The following KAZN variants were observed in gnomAD, a reference collection of about 807,000 sequenced individuals.
The protein encoded by KAZN is kazrin, periplakin interacting protein.
KAZN carries 40 observed loss-of-function variants against 87.4 expected under a neutral mutation model. The ratio of observed to expected loss-of-function variants is 0.46; its 90% CI spans 0.36 to 0.60. The LOEUF is 0.60. KAZN is among the 20% of genes least tolerant of loss of function. The probability of loss-of-function intolerance (pLI) is 0.00; values close to 1 mark genes in which losing one functional copy is unlikely to be tolerated. For missense variants in KAZN, 898 were observed against 1,073.9 expected, an observed-to-expected ratio of 0.84 and a Z score of 2.29; for synonymous variants, 466 against 458.3, an observed-to-expected ratio of 1.02 and a Z score of -0.22.
intron 1 of KAZN, among the ~76,000 whole-genome samples, chr1:14,890,215 C>A (rs1239878212): frequency 1.3e-5 from 2 of 152,200 alleles, no homozygotes; most frequent in Non-Finnish European, 2.9e-5. Flanking sequence ...CTGGAATGCT[C>A]TGGCTGGTCA....
At chr1:14,124,894 C>G (rs1399701511) in intron 1 of KAZN, among the ~76,000 whole-genome samples, 2 of 152,152 alleles carry the variant, frequency 1.3e-5, no homozygotes, top group Non-Finnish European at 2.9e-5. Flanking sequence ...TCGGGGGCAG[C>G]ACTGGGGAGG....
intron 7 of KAZN, among the ~76,000 whole-genome samples, chr1:15,064,325 G>A (rs1639051230): frequency 6.6e-6 from 1 of 152,100 alleles, no homozygotes. Flanking sequence ...AGATTCCTGG[G>A]CCATTTGCCC....
intron 2 of KAZN, chr1:14,180,716 T>C: frequency 2.9e-6 from 2 of 689,266 alleles, no homozygotes; most frequent in Non-Finnish European, 4.8e-6. Flanking sequence ...ATATAACAGA[T>C]TGGATATGTT....
rs1456407657 is a variant in KAZN, at chr1:14,773,809, C to G, written c.226+174586C>G. On this transcript the variant is annotated intron_variant, in intron 1 of 14. Coordinates refer to ENST00000376030, the MANE Select transcript of KAZN (RefSeq NM_201628.3). This position sits in a 1 kb window ranked among gnomAD's most constrained non-coding sequence, Gnocchi z 5.9. ...TCCTGGGAGCTGCGGCAGGTCCCAG[C>G]CCAGGCCAGGCCTGCTCTCCTCCCC... Among the ~76,000 whole-genome samples, 1 of 152,160 alleles carries G rather than the reference C, an allele frequency of 6.6e-6. No homozygotes were observed. Among genetic ancestry groups the G allele is most frequent in the Non-Finnish European group, 1.5e-5 (1 of 68,032 alleles).
intron 2 of KAZN, among the ~76,000 whole-genome samples, chr1:14,344,044 C>T (rs1657928688): frequency 6.6e-6 from 1 of 152,174 alleles, no homozygotes; most frequent in Admixed American, 6.6e-5. Flanking sequence ...CCAGCTTCAT[C>T]TATCAAAACC....
intron 1 of KAZN, among the ~76,000 whole-genome samples, chr1:14,822,172 C>T (rs939445681): frequency 6.6e-5 from 10 of 152,146 alleles, no homozygotes; most frequent in African/African-American, 1.9e-4. Flanking sequence ...AGCTTTCGTC[C>T]CAGCCAGGTA....
intron 1 of KAZN, among the ~76,000 whole-genome samples, chr1:14,691,158 A>G (rs531354193): frequency 6.2e-4 from 94 of 152,186 alleles, no homozygotes; most frequent in Non-Finnish European, 1.1e-3. Context: ...ATTTTTGACT[A>G]TTGATGGATG....
chr1:14,556,322 G>A (rs1673871233), intron 2 of KAZN, among the ~76,000 whole-genome samples: 1 of 151,676 alleles, frequency 6.6e-6, no homozygotes, highest in African/African-American at 2.4e-5. Context: ...TGTTATCCAG[G>A]ATGGTCTCGA....
chr1:14,743,387 G>A (rs1362189830), intron 1 of KAZN, among the ~76,000 whole-genome samples: 3 of 150,550 alleles, frequency 2.0e-5, no homozygotes, highest in Non-Finnish European at 3.0e-5. Context: ...CTGAGATCGC[G>A]CCACTGCACT....
chr1:14,228,066 G>T (rs1199313429), intron 2 of KAZN, among the ~76,000 whole-genome samples: 1 of 152,122 alleles, frequency 6.6e-6, no homozygotes, highest in African/African-American at 2.4e-5. Flanking sequence ...ATTACTTGGT[G>T]CATTGCTTAT....
chr1:14,520,225 T>C (rs905041712), intron 2 of KAZN, among the ~76,000 whole-genome samples: 4 of 151,950 alleles, frequency 2.6e-5, no homozygotes, highest in South Asian at 2.1e-4. Context: ...CTATGATCCA[T>C]TGGGTGTGGC....
At chr1:14,971,558 C>T (rs1272277548) in intron 2 of KAZN, among the ~76,000 whole-genome samples, 1 of 150,520 alleles carries the variant, frequency 6.6e-6, no homozygotes. Context: ...GTGATCACAG[C>T]AGAAAAGAGG....
chr1:14,399,687 CTT>C (rs1421847316), intron 2 of KAZN, among the ~76,000 whole-genome samples: 1 of 152,108 alleles, frequency 6.6e-6, no homozygotes, highest in Non-Finnish European at 1.5e-5. Context: ...GTGTGACCCT[CTT>C]TTTCACACCT....
chr1:14,332,116 T>C (rs1656900963), intron 2 of KAZN, among the ~76,000 whole-genome samples: 2 of 152,126 alleles, frequency 1.3e-5, no homozygotes, highest in Non-Finnish European at 2.9e-5. Context: ...GTAAAAGCCA[T>C]TGTTAGCCTG....
chr1:14,130,911 T>A (rs1644979366), intron 1 of KAZN, among the ~76,000 whole-genome samples: 1 of 152,072 alleles, frequency 6.6e-6, no homozygotes, highest in Admixed American at 6.6e-5. Flanking sequence ...AATGTGATTG[T>A]TTAATACTAT....
At position 14,211,423 on chromosome 1, in the gene KAZN, A is replaced by T. The variant is rs866815522; in HGVS notation, c.249+30831A>T. 4.6e-5 allele frequency among the ~76,000 whole-genome samples: 7 copies of T among 152,068 alleles called. 1 individual carries two copies. Among genetic ancestry groups the T allele is most frequent in the Admixed American group, 1.3e-4 (2 of 15,270 alleles). ...GTATTTTTAGTAGAGACAGAGTTTCATTGTGTTAGCCAGGATGGTCTCGAT... is the reference window on the plus strand; with the variant it reads ...GTATTTTTAGTAGAGACAGAGTTTCTTTGTGTTAGCCAGGATGGTCTCGAT... On this transcript the variant is annotated intron_variant, in intron 2 of 16. Coordinates refer to the KAZN transcript ENST00000636203.
At chr1:14,317,602 CT>C (rs879472213) in intron 2 of KAZN, among the ~76,000 whole-genome samples, 4 of 151,768 alleles carry the variant, frequency 2.6e-5, no homozygotes, top group South Asian at 4.2e-4. Flanking sequence ...GTTTTTTTCC[CT>C]TTTTTTCTCC....
At chr1:14,008,405 G>C (rs896996240) in intron 1 of KAZN, among the ~76,000 whole-genome samples, 1 of 152,310 alleles carries the variant, frequency 6.6e-6, no homozygotes, top group South Asian at 2.1e-4. Flanking sequence ...AAAATCTGCT[G>C]AAGTCATTAT....
At chr1:14,803,301 A>G (rs1646100231) in intron 1 of KAZN, among the ~76,000 whole-genome samples, 1 of 152,146 alleles carries the variant, frequency 6.6e-6, no homozygotes, top group South Asian at 2.1e-4. Context: ...TCAGCCCCGG[A>G]TGTAGCTGAC....
Sources: allele counts gnomAD v4.1 joint callset (sites outside exome capture counted in the v4.1 genomes callset), GRCh38; gene constraint gnomAD v4.1.1; non-coding constraint Gnocchi (gnomAD v3.1); transcripts MANE v1.5; gene names NCBI Gene and HGNC (gene_info 2026-07-23, HGNC 2026-07-21).